RYR1: variants seen among roughly 807,000 people sequenced by gnomAD.
The protein encoded by RYR1 is ryanodine receptor 1.
A neutral mutation model predicts 583.5 loss-of-function variants in RYR1; 342 were observed. That is an observed-to-expected ratio of 0.59 (90% CI 0.54 to 0.64). The LOEUF is 0.64. Ranked by LOEUF, RYR1 falls within the 30% of genes least tolerant of loss-of-function variation. RYR1 has a pLI of 0.00. For missense variants in RYR1, 6,032 were observed against 6,917.2 expected, an observed-to-expected ratio of 0.87 and a Z score of 4.54; for synonymous variants, 2,791 against 2,822.5, an observed-to-expected ratio of 0.99 and a Z score of 0.35.
At chr19:38,586,436 C>T (rs1974491988) in intron 104 of RYR1, 89 bp from the exon 105 acceptor site, 2 of 1,385,188 alleles carry the variant, frequency 1.4e-6, no homozygotes, top group African/African-American at 2.8e-5. Context: ...GCTTGGGCAA[C>T]ATAGCAAGAC....
At chr19:38,537,543 C>T (rs775227794) in intron 83 of RYR1, among the ~76,000 whole-genome samples, 4 of 152,166 alleles carry the variant, frequency 2.6e-5, no homozygotes, top group African/African-American at 9.7e-5. Flanking sequence ...AGGGCATTAC[C>T]AGCTGCCTGA....
chr19:38,561,040 T>TAAA lies in RYR1; in HGVS notation c.12283-58_12283-56dup, dbSNP rs550360145. ...TGGGCGACACAGCGAGACCTTGTCT[T>TAAA]AAAAAAAAAAAAAAAAAGAGAGAGA... On this transcript the variant is annotated intron_variant, in intron 89 of 105. Transcript: ENST00000359596. The surrounding 1 kb of genome is among the most constrained non-coding windows in gnomAD (Gnocchi z 4.8). 1.6e-4 allele frequency: 180 copies of TAAA among 1,160,958 alleles called. No homozygotes were observed. The highest frequency in any genetic ancestry group is 3.0e-4 in the South Asian group (21 of 69,858). 71.9% of individuals were successfully genotyped at this position (1,160,958 alleles called of 1,614,324 possible).
rs757097846 is a variant in RYR1, at chr19:38,565,423, C to A, written c.13089C>A (p.Phe4363Leu). The part of the protein sequence containing the change: ...GALGLLWGSL[F>L]GGGLVEGAKK... ...TGGGCCTGCTCTGGGGCTCGCTGTT[C>A]GGCGGCGGCCTGGTGGAGGGCGCCA... is the stretch of plus-strand genomic sequence containing the variant. Residue 4363 changes from phenylalanine to leucine, a missense_variant, in exon 91 of 106, where the codon TTC becomes TTA. Transcript: ENST00000359596. This position sits in a 1 kb window ranked among gnomAD's most constrained non-coding sequence, Gnocchi z 4.7. The A allele has an allele frequency of 6.1e-6, 9 of 1,486,084 alleles. No homozygotes were observed. In the East Asian group the frequency reaches 1.4e-4, roughly 24 times the overall value. 92.1% of individuals were successfully genotyped at this position (1,486,084 alleles called of 1,614,324 possible).
intron 60 of RYR1, 59 bp downstream of exon 60, chr19:38,510,840 C>G: frequency 6.2e-7 from 1 of 1,609,280 alleles, no homozygotes; most frequent in Non-Finnish European, 8.5e-7. Context: ...TAATCCTTTG[C>G]CCATGGAGGC....
At position 38,494,419 on chromosome 19, in the gene RYR1, C is replaced by T. The variant is rs765323533; in HGVS notation, c.6342C>T (p.Pro2114=). ...CCCAAGAGGACTTCGTGCAGAGCCC[C>T]GAGCTGGTGCGGGCCATGTTCAGCC... ...RWAQEDFVQS[P]ELVRAMFSLL... Residue 2114 remains proline, a synonymous_variant, in exon 39 of 106, where the codon CCC becomes CCT. Transcript: ENST00000359596. 6.2e-6 allele frequency: 10 copies of T among 1,612,156 alleles called. No individual in the cohort carries two copies. Among genetic ancestry groups the T allele is most frequent in the African/African-American group, 4.0e-5 (3 of 74,998 alleles).
chr19:38,465,210 C>G (rs958349443), intron 23 of RYR1, among the ~76,000 whole-genome samples: 7 of 152,054 alleles, frequency 4.6e-5, no homozygotes, highest in African/African-American at 1.7e-4. Flanking sequence ...GTGGCTCACA[C>G]CTGTAATCCC....
intron 16 of RYR1, 127 bp downstream of exon 16, chr19:38,455,878 C>T: frequency 2.8e-6 from 2 of 714,754 alleles, no homozygotes; most frequent in Non-Finnish European, 5.1e-6. Flanking sequence ...ACGCCACTCC[C>T]ACTGGCTTTC....
rs2229145 is a variant in RYR1 at position 38,519,383 on chromosome 19, C to A, written c.10188C>A (p.Asp3396Glu). 6.2e-7 allele frequency: 1 copy of A among 1,605,898 alleles called. No individual in the cohort carries two copies. Among genetic ancestry groups the A allele is most frequent in the Non-Finnish European group, 8.5e-7 (1 of 1,176,576 alleles). The change falls in exon 67 of 106, where the codon GAC (aspartate) becomes GAA (glutamate). Residue 3396 changes from aspartate to glutamate, a missense_variant. Asp to Glu is a conservative substitution (Grantham distance 45). This residue lies in a region of RYR1 where 1,493 missense variants were observed against 1,715.5 expected (regional missense o/e 0.87). Coordinates refer to ENST00000359596, the MANE Select transcript of RYR1 (RefSeq NM_000540.3). The part of the protein sequence containing the change: ...EAQEGELLVR[D>E]EFSVLCRDLY... ...AGGAGGGCGAGCTGCTGGTGCGGGA[C>A]GAGTTCTCTGTGCTCTGCCGGGACC...
chr19:38,526,038 A>G (rs755606759), intron 71 of RYR1, among the ~76,000 whole-genome samples: 13 of 151,738 alleles, frequency 8.6e-5, no homozygotes, highest in Non-Finnish European at 1.5e-4. Context: ...TTGAAGCCCA[A>G]CTAAGCCCCC....
rs1156780030 is a variant in RYR1 at position 38,546,539 on chromosome 19, G to A, written c.12094+13G>A. 4 of 1,607,152 alleles carry A rather than the reference G, an allele frequency of 2.5e-6. No homozygotes were observed. In the African/African-American group the frequency reaches 4.0e-5, roughly 16 times the overall value. On this transcript the variant is annotated intron_variant, in intron 88 of 105. Transcript: ENST00000359596. ...TCGCTACTAGAAGGTAAACACCCAG[G>A]AGTGAGGGTGAGGGAACAGTAAAGA...
At chr19:38,488,666 T>G (rs1374242351) in intron 34 of RYR1, among the ~76,000 whole-genome samples, 5 of 152,106 alleles carry the variant, frequency 3.3e-5, no homozygotes, top group African/African-American at 1.2e-4. Flanking sequence ...CACACCCAGC[T>G]AATTTTTTTT....
Position 38,440,834 on chromosome 19 carries a change from G to T in RYR1, c.135G>T (p.Leu45=), listed in dbSNP as rs752427613. The T allele has an allele frequency of 6.2e-7, 1 of 1,611,570 alleles. No individual in the cohort carries two copies. ...CLAAEGFGNR[L]CFLEPTSNAQ... Reference sequence around the variant, plus strand: ...CCGCCGAGGGCTTCGGCAACCGCCTGTGCTTCCTGGAGCCCACTAGCAACG... The same window carrying T: ...CCGCCGAGGGCTTCGGCAACCGCCTTTGCTTCCTGGAGCCCACTAGCAACG... The change falls in exon 2 of 106, where the codon CTG becomes CTT. Residue 45 remains leucine, a synonymous_variant. Transcript: ENST00000359596.
In RYR1 at chr19:38,587,491, G is replaced by A; in HGVS notation, c.*71G>A. On this transcript the variant is annotated 3_prime_UTR_variant, in exon 106 of 106. Transcript: ENST00000359596. ...TCACAGCAAGCCCCTTAGTCCCCAAGCCCCTCCCCCTAAGGCAGCTGGGGG... is the reference window on the plus strand; with the variant it reads ...TCACAGCAAGCCCCTTAGTCCCCAAACCCCTCCCCCTAAGGCAGCTGGGGG... 1 of 1,101,250 alleles carries A rather than the reference G, an allele frequency of 9.1e-7. No homozygotes were observed. Among genetic ancestry groups the A allele is most frequent in the South Asian group, 1.2e-5 (1 of 80,122 alleles). 68.2% of individuals were successfully genotyped at this position (1,101,250 alleles called of 1,614,324 possible).
intron 36 of RYR1, 64 bp from the exon 37 acceptor site, chr19:38,490,557 T>A: frequency 9.3e-7 from 1 of 1,071,032 alleles, no homozygotes; most frequent in Non-Finnish European, 1.4e-6. Context: ...ATCTTCTATC[T>A]CTGATCTCAG....
chr19:38,578,893 T>C (rs1250570741), intron 99 of RYR1, among the ~76,000 whole-genome samples: 1 of 151,014 alleles, frequency 6.6e-6, no homozygotes, highest in Non-Finnish European at 1.5e-5. Context: ...AGAGGTTTGC[T>C]TGAGCTCAAA....
At chr19:38,473,893 G>GT (rs1968574588) in intron 28 of RYR1, 122 bp downstream of exon 28, 1 of 712,328 alleles carries the variant, frequency 1.4e-6, no homozygotes, top group Admixed American at 3.0e-5. Flanking sequence ...GCTAAGTGGA[G>GT]TAAGAATACC....
intron 16 of RYR1, 132 bp downstream of exon 16, chr19:38,455,883 G>T (rs1381106543): frequency 1.4e-6 from 1 of 706,504 alleles, no homozygotes; most frequent in Middle Eastern, 3.7e-4. Flanking sequence ...ACTCCCACTG[G>T]CTTTCATCTC....
chr19:38,567,801 C>A lies in RYR1; in HGVS notation c.13543C>A (p.Pro4515Thr), dbSNP rs773301331. 2.5e-6 allele frequency: 4 copies of A among 1,614,046 alleles called. No homozygotes were observed. Among genetic ancestry groups the A allele is most frequent in the Non-Finnish European group, 2.5e-6 (3 of 1,180,034 alleles). Residue 4515 changes from proline (P) to threonine (T), a missense_variant, in exon 93 of 106, where the codon CCC becomes ACC. By Grantham distance (38) the Pro-to-Thr change is conservative. Around this residue, in one of 11 missense-constraint regions of RYR1, gnomAD observed 753 missense variants for 759.6 expected, o/e 0.99. Transcript: ENST00000359596. Reference sequence around the variant, plus strand: ...CGAGAATGGGGAGAAGGAAGAAGTTCCCGAGCCCACACCAGAGCCCCCCAA... The same window carrying A: ...CGAGAATGGGGAGAAGGAAGAAGTTACCGAGCCCACACCAGAGCCCCCCAA... ...DAENGEKEEV[P>T]EPTPEPPKKQ... is the part of the protein sequence containing the mutation.
chr19:38,532,861 A>C (rs552687233), intron 78 of RYR1, 125 bp downstream of exon 78: 157 of 928,362 alleles, frequency 1.7e-4, no homozygotes, highest in Non-Finnish European at 2.6e-4. Flanking sequence ...AAGTCAGTCC[A>C]CTGGGGAGAC....
Sources: gnomAD v4.1 joint callset for allele counts (sites outside exome capture counted in the v4.1 genomes callset) on GRCh38, gnomAD v4.1.1 for gene constraint, gnomAD v4.1.1 regional missense constraint, Gnocchi (gnomAD v3.1) non-coding constraint, MANE v1.5 for transcripts, NCBI Gene and HGNC (gene_info 2026-07-23, HGNC 2026-07-21) for gene names.